CERS3: variants seen among roughly 807,000 people sequenced by gnomAD.
CERS3 encodes LAG1 homolog, ceramide synthase 3.
In CERS3, 33 loss-of-function variants were observed where a neutral mutation model predicts 50.3. The observed-to-expected ratio is 0.66, with a 90% confidence interval of 0.50 to 0.88. The LOEUF (loss-of-function observed/expected upper bound fraction) is 0.88. Ranked by LOEUF, CERS3 falls within the 40% of genes least tolerant of loss-of-function variation. The probability of loss-of-function intolerance (pLI) is 0.00; values close to 1 mark genes in which losing one functional copy is unlikely to be tolerated. For synonymous variants in CERS3, 176 were observed against 155.2 expected (o/e 1.13, Z -0.99); for missense variants, 470 against 460.3 (o/e 1.02, Z -0.19).
At chr15:100,501,549 T>A in intron 3 of CERS3, 128 bp downstream of exon 3, 1 of 724,070 alleles carries the variant, frequency 1.4e-6, no homozygotes, top group Non-Finnish European at 2.3e-6. Flanking sequence ...ATCCCCAGAA[T>A]CTGTGGCCCA....
intron 7 of CERS3, among the ~76,000 whole-genome samples, chr15:100,478,797 G>C (rs572585177): frequency 1.3e-5 from 2 of 151,972 alleles, no homozygotes; most frequent in South Asian, 4.2e-4. Context: ...AATAGCAAAG[G>C]TACTTCTTCA....
At chr15:100,445,925 C>T (rs62036042) in intron 11 of CERS3, among the ~76,000 whole-genome samples, 12,083 of 152,224 alleles carry the variant, frequency 0.079, 580 homozygotes, top group African/African-American at 0.12. Context: ...ATGGCCTGTT[C>T]CTGCCTTAAC....
At chr15:100,501,036 A>G (rs2035981689) in intron 3 of CERS3, among the ~76,000 whole-genome samples, 1 of 152,232 alleles carries the variant, frequency 6.6e-6, no homozygotes, top group Admixed American at 6.5e-5. Context: ...TACTGTTATC[A>G]TAACACTAGT....
chr15:100,478,576 G>A (rs2035207397), intron 7 of CERS3, among the ~76,000 whole-genome samples: 1 of 152,112 alleles, frequency 6.6e-6, no homozygotes. Flanking sequence ...GAGAAAAAAG[G>A]CATTATGTTC....
chr15:100,522,133 CAA>C (rs2036658018), intron 1 of CERS3, among the ~76,000 whole-genome samples: 1 of 152,192 alleles, frequency 6.6e-6, no homozygotes, highest in African/African-American at 2.4e-5. Flanking sequence ...TAACATTTCT[CAA>C]TATGAATTAT....
chr15:100,402,494 C>G lies in CERS3; in HGVS notation c.*219G>C. On this transcript the variant is annotated 3_prime_UTR_variant, in exon 12 of 12. Coordinates refer to ENST00000679737, the MANE Select transcript of CERS3 (RefSeq NM_001378789.1). Reference sequence around the variant, plus strand: ...GTGGAGAAATCTTTGAAATCTTTGACCAGTCTGAGTCCTAACTGCAGTAAA... The same window carrying G: ...GTGGAGAAATCTTTGAAATCTTTGAGCAGTCTGAGTCCTAACTGCAGTAAA... 2 of 526,816 alleles carry G rather than the reference C, an allele frequency of 3.8e-6. No individual in the cohort carries two copies. Among genetic ancestry groups the G allele is most frequent in the East Asian group, 3.2e-5 (1 of 30,842 alleles). 32.6% of individuals were successfully genotyped at this position (526,816 alleles called of 1,614,324 possible).
intron 10 of CERS3, among the ~76,000 whole-genome samples, chr15:100,462,921 A>T (rs1381917877): frequency 6.6e-6 from 1 of 152,220 alleles, no homozygotes; most frequent in Admixed American, 6.5e-5. Context: ...CCTGCGATTG[A>T]TAACTGTATT....
intron 9 of CERS3, among the ~76,000 whole-genome samples, chr15:100,470,709 TTTGC>T (rs1401774122): frequency 6.6e-6 from 1 of 152,166 alleles, no homozygotes; most frequent in Non-Finnish European, 1.5e-5. Flanking sequence ...CAGCAGCCCC[TTTGC>T]TTGCTAAGTA....
intron 11 of CERS3, among the ~76,000 whole-genome samples, chr15:100,418,999 G>A (rs12912260): frequency 0.47 from 68,988 of 148,108 alleles, 17,020 homozygotes; most frequent in Middle Eastern, 0.56. Flanking sequence ...AAAGACCATC[G>A]AGACTAGGAA....
At chr15:100,518,670 C>T (rs777491538) in intron 2 of CERS3, among the ~76,000 whole-genome samples, 2 of 152,156 alleles carry the variant, frequency 1.3e-5, no homozygotes, top group African/African-American at 4.8e-5. Context: ...GAATGTGAGA[C>T]GATACTGTGC....
At chr15:100,456,868 A>C in intron 10 of CERS3, among the ~76,000 whole-genome samples, 1 of 150,916 alleles carries the variant, frequency 6.6e-6, no homozygotes, top group Non-Finnish European at 1.5e-5. Flanking sequence ...AATTGCTTGA[A>C]CCTGGGAGGT....
intron 11 of CERS3, among the ~76,000 whole-genome samples, chr15:100,434,926 G>T (rs1370405594): frequency 7.3e-6 from 1 of 137,306 alleles, no homozygotes; most frequent in Non-Finnish European, 1.6e-5. Context: ...GGGAACAAGG[G>T]ATGTCAGAGT....
intron 2 of CERS3, chr15:100,503,952 G>A: frequency 5.8e-6 from 2 of 345,244 alleles, no homozygotes; most frequent in South Asian, 4.3e-5. Flanking sequence ...AGACATGTGT[G>A]TTGGGAGTGA....
intron 11 of CERS3, among the ~76,000 whole-genome samples, chr15:100,423,414 T>C (rs1364128171): frequency 1.3e-5 from 2 of 152,186 alleles, no homozygotes; most frequent in Non-Finnish European, 2.9e-5. Flanking sequence ...GTGGTACATA[T>C]ACACTGTGAA....
chr15:100,426,667 A>G (rs373077837), intron 11 of CERS3, among the ~76,000 whole-genome samples: 8 of 152,340 alleles, frequency 5.3e-5, no homozygotes, highest in African/African-American at 1.9e-4. Flanking sequence ...TTAATTGAAT[A>G]CTGTATAACT....
At chr15:100,421,326 A>T (rs1461474630) in intron 11 of CERS3, among the ~76,000 whole-genome samples, 6 of 150,308 alleles carry the variant, frequency 4.0e-5, no homozygotes, top group Non-Finnish European at 7.5e-5. Flanking sequence ...GTGAACTCCC[A>T]TTCACAATTG....
intron 1 of CERS3, among the ~76,000 whole-genome samples, chr15:100,541,623 T>C (rs779091469): frequency 6.6e-6 from 1 of 152,232 alleles, no homozygotes; most frequent in Non-Finnish European, 1.5e-5. Flanking sequence ...TGTTTCTTTG[T>C]TGGGTGCTGT....
chr15:100,455,440 A>G (rs894303358), intron 11 of CERS3, among the ~76,000 whole-genome samples: 6 of 152,270 alleles, frequency 3.9e-5, no homozygotes, highest in South Asian at 4.1e-4. Flanking sequence ...GTATATTTCA[A>G]AATAGCTGGA....
chr15:100,427,633 G>A (rs2142108738), intron 11 of CERS3, among the ~76,000 whole-genome samples: 1 of 152,278 alleles, frequency 6.6e-6, no homozygotes, highest in Middle Eastern at 3.4e-3. Context: ...CTTGTGTGCT[G>A]CACAAACATC....
Sources: gnomAD v4.1 joint callset for allele counts (sites outside exome capture counted in the v4.1 genomes callset) on GRCh38, gnomAD v4.1.1 for gene constraint, MANE v1.5 for transcripts, NCBI Gene and HGNC (gene_info 2026-07-23, HGNC 2026-07-21) for gene names.